Variants in MGAM observed in about 807,000 individuals in gnomAD.
The protein encoded by MGAM is alpha-1,4-glucosidase.
A neutral mutation model predicts 358.8 loss-of-function variants in MGAM; 253 were observed. That is an observed-to-expected ratio of 0.71 (90% CI 0.64 to 0.78). MGAM has a LOEUF of 0.78. MGAM is among the 30% of genes least tolerant of loss of function. The pLI, the probability that MGAM is intolerant of heterozygous loss-of-function variation, is 0.00. For synonymous variants in MGAM, 1,105 were observed against 1,227.1 expected, an observed-to-expected ratio of 0.90 and a Z score of 2.08; for missense variants, 3,080 against 3,432.6, an observed-to-expected ratio of 0.90 and a Z score of 2.57.
intron 21 of MGAM, among the ~76,000 whole-genome samples, chr7:142,045,872 A>G (rs188405167): frequency 1.2e-4 from 12 of 102,490 alleles, no homozygotes; most frequent in Non-Finnish European, 2.1e-4. Flanking sequence ...ATATATACAT[A>G]CAATATGTAA....
intron 46 of MGAM, 52 bp downstream of exon 46, chr7:142,076,304 A>G: frequency 7.2e-7 from 1 of 1,387,700 alleles, no homozygotes; most frequent in South Asian, 1.2e-5. Flanking sequence ...ACTGACCATT[A>G]GCACATCTGT....
At chr7:141,996,172 C>T (rs1270122949) in intron 1 of MGAM, among the ~76,000 whole-genome samples, 1 of 151,664 alleles carries the variant, frequency 6.6e-6, no homozygotes, top group African/African-American at 2.4e-5. Context: ...TGGTGGCGGG[C>T]GCCTGTAGTC....
At chr7:142,079,321 G>A (rs1242003480) in intron 49 of MGAM, among the ~76,000 whole-genome samples, 2 of 145,526 alleles carry the variant, frequency 1.4e-5, no homozygotes, top group East Asian at 2.0e-4. Flanking sequence ...GAATGAAGGT[G>A]GAGAACAGTG....
At chr7:142,031,607 T>C in intron 12 of MGAM, 73 bp from the exon 13 acceptor site, 1 of 1,061,058 alleles carries the variant, frequency 9.4e-7, no homozygotes, top group South Asian at 1.5e-5. Context: ...TAGGAATTTC[T>C]TTGCAAAGTA....
chr7:141,997,871 A>G (rs1804391964), intron 1 of MGAM, among the ~76,000 whole-genome samples: 1 of 152,184 alleles, frequency 6.6e-6, no homozygotes, highest in Admixed American at 6.5e-5. Context: ...ATCGCCCAGC[A>G]TTTTTGATGA....
chr7:142,083,558 A>G lies in MGAM; in HGVS notation c.6381+145A>G, dbSNP rs192641763. Reference sequence around the variant, plus strand: ...GATTATAGAATAAGGAAAAATAAATACATTCTAATCACCATTAAATTTATA... The same window carrying G: ...GATTATAGAATAAGGAAAAATAAATGCATTCTAATCACCATTAAATTTATA... On this transcript the variant is annotated intron_variant, in intron 53 of 70. Coordinates refer to ENST00000475668, the MANE Select transcript of MGAM (RefSeq NM_001365693.1). 5 of 674,114 alleles carry G rather than the reference A, an allele frequency of 7.4e-6. No homozygotes were observed. In the Admixed American group the frequency reaches 1.2e-4, roughly 17 times the overall value. 41.8% of individuals were successfully genotyped at this position (674,114 alleles called of 1,614,324 possible).
Position 142,095,953 on chromosome 7 carries a change from C to A in MGAM, c.7607+240C>A, listed in dbSNP as rs1815868054. 16 of 701,362 alleles carry A rather than the reference C, an allele frequency of 2.3e-5. No individual in the cohort carries two copies. The South Asian group carries it at 3.4e-4, about 15-fold the overall frequency. 43.4% of individuals were successfully genotyped at this position (701,362 alleles called of 1,614,324 possible). On this transcript the variant is annotated intron_variant, in intron 64 of 70. Coordinates refer to ENST00000475668, the MANE Select transcript of MGAM (RefSeq NM_001365693.1). ...CAGTATAGCATAGAATAATTTCTTT[C>A]TAATTTGGCTGTGCAAAGGCCTATC... is the stretch of plus-strand genomic sequence containing the variant.
intron 21 of MGAM, among the ~76,000 whole-genome samples, chr7:142,044,408 T>TAA (rs1809698875): frequency 7.2e-6 from 1 of 138,842 alleles, no homozygotes; most frequent in African/African-American, 2.6e-5. Context: ...ATATGATATA[T>TAA]AATGAATATT....
intron 50 of MGAM, among the ~76,000 whole-genome samples, chr7:142,081,234 A>G (rs1163146987): frequency 6.8e-6 from 1 of 146,496 alleles, no homozygotes; most frequent in Non-Finnish European, 1.5e-5. Context: ...TCTCATGACA[A>G]CAAATAATAA....
Position 142,078,934 on chromosome 7 carries a change from G to A in MGAM, c.5773G>A (p.Ala1925Thr), listed in dbSNP as rs769453167. The change falls in exon 49 of 71, where the codon GCC becomes ACC. Residue 1925 changes from alanine (A) to threonine (T), a missense_variant. Transcript: ENST00000475668. ...ISLKSSVHAN[A>T]FPSTPVNPLR... The stretch of plus-strand genomic sequence containing the variant: ...CTTAAAGTCTTCTGTTCATGCCAAT[G>A]CCTTCCCTTCCACACCCGTGAACCC... 1.9e-6 allele frequency: 3 copies of A among 1,555,890 alleles called. No homozygotes were observed. Among genetic ancestry groups the A allele is most frequent in the Non-Finnish European group, 2.6e-6 (3 of 1,132,404 alleles).
At chr7:142,081,094 A>C in intron 50 of MGAM, 149 bp downstream of exon 50, 1 of 872,554 alleles carries the variant, frequency 1.1e-6, no homozygotes, top group Non-Finnish European at 1.7e-6. Context: ...CTATTCTTAC[A>C]GGAAATCTTT....
intron 21 of MGAM, among the ~76,000 whole-genome samples, chr7:142,041,741 A>G (rs914644137): frequency 6.7e-6 from 1 of 148,696 alleles, no homozygotes; most frequent in African/African-American, 2.5e-5. Context: ...TATCCTTTCC[A>G]ACATTCTTTG....
intron 54 of MGAM, 108 bp from the exon 55 acceptor site, chr7:142,085,725 T>C (rs1814683488): frequency 1.5e-6 from 2 of 1,360,138 alleles, no homozygotes; most frequent in Non-Finnish European, 2.0e-6. Context: ...CTTGAAAGCA[T>C]CAACAAGAAG....
At position 142,090,485 on chromosome 7, in the gene MGAM, T is replaced by C. The variant is rs28477143; in HGVS notation, c.6811-1428T>C. On this transcript the variant is annotated intron_variant, in intron 57 of 70. Coordinates refer to ENST00000475668, the MANE Select transcript of MGAM (RefSeq NM_001365693.1). ...CAAAAGGCATCCCTGGCATGCCCACTTCTGTCAAGATTCTCCGTGATGTGA... is the reference window on the plus strand; with the variant it reads ...CAAAAGGCATCCCTGGCATGCCCACCTCTGTCAAGATTCTCCGTGATGTGA... Among the ~76,000 whole-genome samples, 117 of 144,746 alleles carry C rather than the reference T, an allele frequency of 8.1e-4. 15 individuals carry two copies. In the South Asian group the frequency reaches 0.026, roughly 32 times the overall value. The allele number at this position is 144,746 out of a possible 152,430, so 95.0% of individuals were successfully genotyped here.
rs58194410 is a variant in MGAM, at chr7:142,048,115, TTTTATTTATTTATTTA to T, written c.2587+281_2587+296del. 6.4e-3 allele frequency among the ~76,000 whole-genome samples: 660 copies of T among 102,512 alleles called. 5 individuals are homozygous for T. The highest frequency in any genetic ancestry group is 0.012 in the African/African-American group (387 of 33,418). 67.3% of individuals were successfully genotyped at this position (102,512 alleles called of 152,430 possible). On this transcript the variant is annotated intron_variant, in intron 22 of 70. Coordinates refer to ENST00000475668, the MANE Select transcript of MGAM (RefSeq NM_001365693.1). ...TGGACAGTGATATCTATAATAGGCT[TTTTATTTATTTATTTA>T]TTTATTTATTTATTTATTTATTTAT...
chr7:142,043,020 A>C (rs186266365), intron 21 of MGAM, among the ~76,000 whole-genome samples: 4,026 of 73,606 alleles, frequency 0.055, 42 homozygotes, highest in Middle Eastern at 0.096. Flanking sequence ...TAATATATAT[A>C]AAATATAAAC....
intron 1 of MGAM, among the ~76,000 whole-genome samples, chr7:142,001,720 A>G (rs868926057): frequency 6.6e-6 from 1 of 152,214 alleles, no homozygotes; most frequent in African/African-American, 2.4e-5. Context: ...CAACCAGGAC[A>G]GCAATCAGCA....
chr7:142,019,502 G>A (rs1554457664), intron 4 of MGAM, among the ~76,000 whole-genome samples, 183 bp downstream of exon 4: 1 of 152,206 alleles, frequency 6.6e-6, no homozygotes. Context: ...ATTATTCTCT[G>A]CCTTGGGAGT....
At chr7:141,995,565 A>T (rs1358452344), upstream of MGAM, among the ~76,000 whole-genome samples, 1 of 152,022 alleles carries the variant, frequency 6.6e-6, no homozygotes, top group Non-Finnish European at 1.5e-5. Flanking sequence ...GGGGTCATTT[A>T]TTTTTTGCTC....
Sources: allele counts gnomAD v4.1 joint callset (sites outside exome capture counted in the v4.1 genomes callset), GRCh38; gene constraint gnomAD v4.1.1; transcripts MANE v1.5; gene names NCBI Gene and HGNC (gene_info 2026-07-23, HGNC 2026-07-21).